REPS2: variants seen among roughly 807,000 people sequenced by gnomAD.
The protein encoded by REPS2 is ralBP1-associated Eps domain-containing protein 2.
Under a neutral mutation model 53.6 loss-of-function variants are expected in REPS2, and 23 were observed. The observed-to-expected ratio is 0.43, with a 90% CI of 0.31 to 0.61. The LOEUF (loss-of-function observed/expected upper bound fraction) is 0.61, where lower values mean the gene tolerates loss of function less well. Ranked by LOEUF, REPS2 falls within the 20% of genes least tolerant of loss-of-function variation. REPS2 has a pLI of 0.11. For missense variants in REPS2, 446 were observed against 534.9 expected, an observed-to-expected ratio of 0.83 and a Z score of 1.64; for synonymous variants, 238 against 218.6, an observed-to-expected ratio of 1.09 and a Z score of -0.78.
intron 2 of REPS2, among the ~76,000 whole-genome samples, chrX:17,009,795 A>C (rs892833483): frequency 5.4e-5 from 6 of 111,107 alleles, no homozygotes; most frequent in Non-Finnish European, 9.4e-5. Context: ...ACCCTCCAGT[A>C]GTCTGCTTGT....
intron 13 of REPS2, among the ~76,000 whole-genome samples, chrX:17,086,600 C>CG (rs1394994866): frequency 1.8e-5 from 2 of 112,261 alleles, no homozygotes; most frequent in Admixed American, 1.9e-4. Flanking sequence ...CTTTTTCCAG[C>CG]AAACCACTGC....
At chrX:17,068,076 G>A (rs188505095) in intron 9 of REPS2, among the ~76,000 whole-genome samples, 1 of 111,717 alleles carries the variant, frequency 9.0e-6, no homozygotes, top group East Asian at 2.8e-4. Flanking sequence ...CACTTTGGGA[G>A]GCTGAGGCGG....
At chrX:17,133,725 C>A in intron 14 of REPS2, 99 bp from the exon 15 acceptor site, 1 of 751,906 alleles carries the variant, frequency 1.3e-6, no homozygotes, top group Non-Finnish European at 2.1e-6. Context: ...TGGCCTAAAT[C>A]AGTTTTCCCT....
At chrX:16,988,233 G>A (rs1232270441) in intron 1 of REPS2, among the ~76,000 whole-genome samples, 1 of 111,580 alleles carries the variant, frequency 9.0e-6, no homozygotes, top group Non-Finnish European at 1.9e-5. Context: ...CATGGTGACT[G>A]TATCACTGCA....
chrX:17,153,931 A>G (rs180671195), downstream of REPS2, among the ~76,000 whole-genome samples: 5 of 111,479 alleles, frequency 4.5e-5, no homozygotes, highest in Non-Finnish European at 7.5e-5. Flanking sequence ...TTTAGAAATA[A>G]AAGGGATCTG....
At chrX:17,023,648 A>G (rs1164609753) in intron 3 of REPS2, among the ~76,000 whole-genome samples, 1 of 111,118 alleles carries the variant, frequency 9.0e-6, no homozygotes, top group Admixed American at 9.6e-5. Context: ...ATTTTAAATC[A>G]GTTCTTCAGG....
rs184397172 is a variant in REPS2, at chrX:16,950,347, A to G, written c.273+3213A>G. On this transcript the variant is annotated intron_variant, in intron 1 of 17. Transcript: ENST00000357277. ...GGATAAAGCTGTTATAAACATCTGT[A>G]TGCAGCCTTTTTTGTTACATGCAGG... Among the ~76,000 whole-genome samples, 4 of 112,173 alleles carry G rather than the reference A, an allele frequency of 3.6e-5. No individual in the cohort carries two copies. The East Asian group carries it at 1.1e-3, about 31-fold the overall frequency.
intron 2 of REPS2, among the ~76,000 whole-genome samples, chrX:17,013,624 CTGTGTGTGTGTGTGTGTGTGTGTG>C (rs10559340): frequency 1.0e-5 from 1 of 100,173 alleles, no homozygotes; most frequent in Non-Finnish European, 2.0e-5. Flanking sequence ...GTAGCTGGCT[CTGTGTGTGTGTGTGTGTGTGTGTG>C]TGTGTGTGTG....
At chrX:17,131,346 C>A (rs754860298) in intron 14 of REPS2, among the ~76,000 whole-genome samples, 3 of 111,215 alleles carry the variant, frequency 2.7e-5, no homozygotes, top group Non-Finnish European at 3.8e-5. Flanking sequence ...GAGGAGAAGA[C>A]GAGAAGAGGT....
At chrX:16,956,197 CT>C (rs11339565) in intron 1 of REPS2, among the ~76,000 whole-genome samples, 35,264 of 86,790 alleles carry the variant, frequency 0.41, 5,830 homozygotes, top group Middle Eastern at 0.6. Context: ...AGAACTACAT[CT>C]TTTTTTTTTT....
At position 17,093,188 on chromosome X, in the gene REPS2, AT is replaced by A. The variant is rs1569171928; in HGVS notation, c.1517-10529del. The stretch of plus-strand genomic sequence containing the variant: ...ATGCTATATATATATATATATATAT[AT>A]ATATATATATAATTTTTTTTTTGGA... On this transcript the variant is annotated intron_variant, in intron 13 of 17. Transcript: ENST00000357277. Among the ~76,000 whole-genome samples, 53 of 13,321 alleles carry A rather than the reference AT, an allele frequency of 4.0e-3. 5 individuals are homozygous for A. In the South Asian group the frequency reaches 0.042, roughly 11 times the overall value. The allele number at this position is 13,321 out of a possible 115,157, so 11.6% of individuals were successfully genotyped here. A position where few individuals can be genotyped will look rare whatever the true frequency, so the allele number is the denominator to read the frequency against.
intron 5 of REPS2, among the ~76,000 whole-genome samples, chrX:17,046,694 A>G (rs1413761415): frequency 8.9e-6 from 1 of 112,078 alleles, no homozygotes; most frequent in Non-Finnish European, 1.9e-5. Context: ...TTTGACTTGC[A>G]TGCCCTCTAG....
At chrX:17,046,631 T>C (rs1375802722) in intron 5 of REPS2, among the ~76,000 whole-genome samples, 1 of 112,288 alleles carries the variant, frequency 8.9e-6, no homozygotes, top group Non-Finnish European at 1.9e-5. Flanking sequence ...CTACCATAGC[T>C]TTGTTTTCTC....
At chrX:17,039,348 C>T (rs748674738) in intron 5 of REPS2, among the ~76,000 whole-genome samples, 2 of 112,238 alleles carry the variant, frequency 1.8e-5, no homozygotes, top group African/African-American at 6.5e-5. Flanking sequence ...ACTGTTAGCG[C>T]CACATACTGC....
chrX:16,964,042 A>T lies in REPS2; in HGVS notation c.273+16908A>T, dbSNP rs774261457. ...ATTTAATTTTATTATTATTATTATT[A>T]TTTTTTATTGATCATTCTTGGGTGT... On this transcript the variant is annotated intron_variant, in intron 1 of 17. Transcript: ENST00000357277. Among the ~76,000 whole-genome samples the T allele has an allele frequency of 5.1e-3, 544 of 107,656 alleles. 5 individuals carry two copies. Among genetic ancestry groups the T allele is most frequent in the African/African-American group, 0.016 (481 of 29,608 alleles). The allele number at this position is 107,656 out of a possible 115,157, so 93.5% of individuals were successfully genotyped here. A position where few individuals can be genotyped will look rare whatever the true frequency, so the allele number is the denominator to read the frequency against.
chrX:17,109,111 T>G (rs1026408902), intron 14 of REPS2, among the ~76,000 whole-genome samples: 2 of 110,905 alleles, frequency 1.8e-5, no homozygotes, highest in Non-Finnish European at 1.9e-5. Flanking sequence ...GGAGCAAGCC[T>G]CCTGCTCACT....
the REPS2 span, among the ~76,000 whole-genome samples, chrX:17,159,392 A>G: frequency 2.7e-5 from 3 of 111,720 alleles, no homozygotes; most frequent in African/African-American, 9.8e-5. Flanking sequence ...AGTTGGAGGC[A>G]ATGGGGTGAG....
intron 2 of REPS2, among the ~76,000 whole-genome samples, chrX:17,008,042 A>G (rs1382965664): frequency 8.9e-6 from 1 of 112,321 alleles, no homozygotes; most frequent in Non-Finnish European, 1.9e-5. Flanking sequence ...TCTGAATGGG[A>G]AAAATATTGG....
chrX:17,144,680 A>G (rs1236835861), intron 17 of REPS2, among the ~76,000 whole-genome samples: 4 of 112,249 alleles, frequency 3.6e-5, no homozygotes, highest in Admixed American at 1.9e-4. Flanking sequence ...AGGGGCATCT[A>G]TGTCTCCTTA....
Sources: gnomAD v4.1 joint callset for allele counts (sites outside exome capture counted in the v4.1 genomes callset) on GRCh38, gnomAD v4.1.1 for gene constraint, MANE v1.5 for transcripts, NCBI Gene and HGNC (gene_info 2026-07-23, HGNC 2026-07-21) for gene names.